ADGRB3: variants seen among roughly 807,000 people sequenced by gnomAD.
ADGRB3 encodes brain-specific angiogenesis inhibitor 3.
A neutral mutation model predicts 193.4 loss-of-function variants in ADGRB3; 37 were observed. The observed-to-expected ratio is 0.19, with a 90% CI of 0.15 to 0.25. The LOEUF (loss-of-function observed/expected upper bound fraction) is 0.25, where lower values mean the gene tolerates loss of function less well. Among genes scored for constraint, ADGRB3 ranks in the 10% least tolerant of loss-of-function variants. ADGRB3 has a pLI of 1.00. For missense variants in ADGRB3, 1,637 were observed against 1,852.9 expected (o/e 0.88, Z 2.14); for synonymous variants, 690 against 644.2 (o/e 1.07, Z -1.08).
intron 16 of ADGRB3, among the ~76,000 whole-genome samples, chr6:69,065,760 T>TACACACACACACAC (rs1485700358): frequency 0.02 from 2,316 of 116,890 alleles, 22 homozygotes; most frequent in South Asian, 0.042. Context: ...TTCATGTATA[T>TACACACACACACAC]ATATACACAC....
chr6:69,091,240 A>C (rs998453746), intron 17 of ADGRB3, among the ~76,000 whole-genome samples: 3 of 152,210 alleles, frequency 2.0e-5, no homozygotes, highest in Non-Finnish European at 4.4e-5. Flanking sequence ...GCAATTCCTC[A>C]AAGACCTAAA....
intron 17 of ADGRB3, among the ~76,000 whole-genome samples, chr6:69,135,481 A>G (rs149754970): frequency 1.3e-5 from 2 of 152,148 alleles, no homozygotes; most frequent in African/African-American, 4.8e-5. Flanking sequence ...GAATAAATGT[A>G]CTGTCGTAGT....
intron 3 of ADGRB3, among the ~76,000 whole-genome samples, chr6:68,777,875 C>T (rs1477611794): frequency 6.6e-6 from 1 of 151,990 alleles, no homozygotes. Flanking sequence ...AGTTTTGTTT[C>T]AGCTGATGTT....
intron 20 of ADGRB3, among the ~76,000 whole-genome samples, chr6:69,291,832 C>T (rs1485761638): frequency 6.6e-6 from 1 of 152,090 alleles, no homozygotes; most frequent in African/African-American, 2.4e-5. Flanking sequence ...CTAACCTTCT[C>T]CCCACTCTTC....
intron 20 of ADGRB3, among the ~76,000 whole-genome samples, chr6:69,293,815 A>G (rs571436641): frequency 6.6e-6 from 1 of 151,492 alleles, no homozygotes; most frequent in South Asian, 2.1e-4. Flanking sequence ...CCTGGAGCAC[A>G]GTCTGGAAGG....
Position 69,011,133 on chromosome 6 carries a change from ATATGTG to A in ADGRB3, c.1930-2903_1930-2898del, listed in dbSNP as rs201275596. On this transcript the variant is annotated intron_variant, in intron 11 of 31. Coordinates refer to ENST00000370598, the MANE Select transcript of ADGRB3 (RefSeq NM_001704.3). ...TATTAGTATGTGTATATATACATAT[ATATGTG>A]TGTGTGTGTGTGTGTGTGTGTGTGT... Among the ~76,000 whole-genome samples, 52 of 97,218 alleles carry A rather than the reference ATATGTG, an allele frequency of 5.3e-4. 1 individual carries two copies. In the East Asian group the frequency reaches 0.011, roughly 20 times the overall value. 63.8% of individuals were successfully genotyped at this position (97,218 alleles called of 152,430 possible). A position where few individuals can be genotyped will look rare whatever the true frequency, so the allele number is the denominator to read the frequency against.
chr6:69,327,824 A>G lies in ADGRB3; in HGVS notation c.2970A>G (p.Leu990=). The G allele has an allele frequency of 6.2e-7, 1 of 1,607,506 alleles. No individual in the cohort carries two copies. The highest frequency in any genetic ancestry group is 8.5e-7 in the Non-Finnish European group (1 of 1,175,056). ...RKRFLCLGWG[L]PALVVATSVG... is the part of the protein sequence containing the mutation. The stretch of plus-strand genomic sequence containing the variant: ...GTGACATTGCTTTTCTTGCAGGTTT[A>G]CCAGCATTAGTAGTGGCCACATCAG... The change falls in exon 22 of 32, where the codon TTA becomes TTG. Residue 990 remains leucine, a synonymous_variant. Transcript: ENST00000370598.
At chr6:69,060,900 G>A (rs1280532178) in intron 15 of ADGRB3, among the ~76,000 whole-genome samples, 1 of 151,910 alleles carries the variant, frequency 6.6e-6, no homozygotes, top group Non-Finnish European at 1.5e-5. Context: ...CAACCACCCA[G>A]GATCACCTCT....
In ADGRB3 at chr6:68,638,978, T is replaced by G. The variant is rs1768015216; in HGVS notation, c.303T>G (p.Leu101=). ...TTTCCCATGAAAAAATAAAGGATCTTTTAAGAAAGAATCATTCTATAATGC... is the reference window on the plus strand; with the variant it reads ...TTTCCCATGAAAAAATAAAGGATCTGTTAAGAAAGAATCATTCTATAATGC... The part of the protein sequence containing the change: ...DHFSHEKIKD[L]LRKNHSIMQL... The change falls in exon 3 of 32, where the codon CTT becomes CTG. Residue 101 remains leucine, a synonymous_variant. Coordinates refer to ENST00000370598, the MANE Select transcript of ADGRB3 (RefSeq NM_001704.3). 1.2e-6 allele frequency: 2 copies of G among 1,613,808 alleles called. No homozygotes were observed. Among genetic ancestry groups the G allele is most frequent in the African/African-American group, 1.3e-5 (1 of 74,878 alleles).
chr6:69,060,455 C>A (rs1317159940), intron 15 of ADGRB3, among the ~76,000 whole-genome samples: 1 of 152,046 alleles, frequency 6.6e-6, no homozygotes, highest in Non-Finnish European at 1.5e-5. Flanking sequence ...ACACAGGGAG[C>A]TTCATAAATA....
At chr6:69,279,094 T>C (rs1767366756) in intron 20 of ADGRB3, among the ~76,000 whole-genome samples, 1 of 130,176 alleles carries the variant, frequency 7.7e-6, no homozygotes, top group Admixed American at 7.6e-5. Context: ...TATATATATA[T>C]ATATATATAT....
chr6:68,922,517 G>A (rs1423117887), intron 3 of ADGRB3, among the ~76,000 whole-genome samples: 1 of 152,224 alleles, frequency 6.6e-6, no homozygotes, highest in African/African-American at 2.4e-5. Context: ...GCACACATTC[G>A]TGTACAGACC....
intron 6 of ADGRB3, among the ~76,000 whole-genome samples, chr6:68,950,869 A>G (rs1767898094): frequency 6.6e-6 from 1 of 152,210 alleles, no homozygotes; most frequent in East Asian, 1.9e-4. Flanking sequence ...GTTCTACACA[A>G]AACCACAATA....
At position 69,141,982 on chromosome 6, in the gene ADGRB3, A is replaced by G. The variant is rs1488926224; in HGVS notation, c.2480+65944A>G. On this transcript the variant is annotated intron_variant, in intron 17 of 31. Transcript: ENST00000370598. Reference sequence around the variant, plus strand: ...ACAGACATGGCTCAGGATGGATTATATCTTAGCTGTAAGAAGACCAGAAAT... The same window carrying G: ...ACAGACATGGCTCAGGATGGATTATGTCTTAGCTGTAAGAAGACCAGAAAT... Among the ~76,000 whole-genome samples the G allele has an allele frequency of 5.3e-5, 8 of 152,202 alleles. No homozygotes were observed. The East Asian group carries it at 1.5e-3, about 29-fold the overall frequency.
In ADGRB3 at chr6:69,332,991, G is replaced by A. The variant is rs775608160; in HGVS notation, c.3171G>A (p.Lys1057=). The A allele has an allele frequency of 3.7e-6, 6 of 1,613,612 alleles. No homozygotes were observed. The highest frequency in any genetic ancestry group is 4.2e-6 in the Non-Finnish European group (5 of 1,179,878). ...LVSRDGILDK[K]LKHRAGQMSE... is the part of the protein sequence containing the mutation. ...CCAGAGATGGAATCCTAGATAAAAA[G>A]CTCAAACACAGAGCCGGGTAAGCTG... The change falls in exon 24 of 32, where the codon AAG becomes AAA. Residue 1057 remains lysine (K), a synonymous_variant. Transcript: ENST00000370598.
rs748082885 is a variant in ADGRB3, at chr6:68,956,101, C to T, written c.1273C>T (p.Arg425Trp). 1 of 1,613,970 alleles carries T rather than the reference C, an allele frequency of 6.2e-7. No homozygotes were observed. Among genetic ancestry groups the T allele is most frequent in the Non-Finnish European group, 8.5e-7 (1 of 1,179,978 alleles). ...CTCGAATGGGACTCAGCAGAGAAGC[C>T]GGCAGTGCACTGCAGCTGCCCATGG... The part of the protein sequence containing the change: ...TCSNGTQQRS[R>W]QCTAAAHGGS... Residue 425 changes from arginine (R) to tryptophan (W), a missense_variant, in exon 7 of 32, where the codon CGG becomes TGG. Around this residue, in one of 7 missense-constraint regions of ADGRB3, gnomAD observed 641 missense variants for 673.9 expected, o/e 0.95. Transcript: ENST00000370598.
chr6:68,997,374 G>A (rs1303415730), intron 11 of ADGRB3, among the ~76,000 whole-genome samples: 1 of 151,626 alleles, frequency 6.6e-6, no homozygotes, highest in South Asian at 2.1e-4. Flanking sequence ...CAGGCGCAGT[G>A]GCTCATGTCT....
At chr6:68,645,444 T>G (rs1768186538) in intron 3 of ADGRB3, among the ~76,000 whole-genome samples, 1 of 152,172 alleles carries the variant, frequency 6.6e-6, no homozygotes, top group African/African-American at 2.4e-5. Context: ...AAATCAGAGA[T>G]AATACTTTTT....
chr6:69,123,808 G>A (rs1773782806), intron 17 of ADGRB3, among the ~76,000 whole-genome samples: 1 of 152,142 alleles, frequency 6.6e-6, no homozygotes, highest in African/African-American at 2.4e-5. Flanking sequence ...GGTGGTCAAT[G>A]TGACCACAGA....
Sources: gnomAD v4.1 joint callset for allele counts (sites outside exome capture counted in the v4.1 genomes callset) on GRCh38, gnomAD v4.1.1 for gene constraint, gnomAD v4.1.1 regional missense constraint, MANE v1.5 for transcripts, NCBI Gene and HGNC (gene_info 2026-07-23, HGNC 2026-07-21) for gene names.